Variants in PCDHGA11 observed in about 807,000 individuals in gnomAD.
The protein encoded by PCDHGA11 is protocadherin gamma-A11.
Under a neutral mutation model 60.4 loss-of-function variants are expected in PCDHGA11, and 39 were observed. That is an observed-to-expected ratio of 0.65 (90% confidence interval 0.50 to 0.84). The LOEUF (loss-of-function observed/expected upper bound fraction) is 0.84, where lower values mean the gene tolerates loss of function less well. Ranked by LOEUF, PCDHGA11 falls within the 40% of genes least tolerant of loss-of-function variation. The pLI is 0.00. For synonymous variants in PCDHGA11, 533 were observed against 510.3 expected (o/e 1.04, Z -0.60); for missense variants, 1,165 against 1,197.7 (o/e 0.97, Z 0.40).
intron 1 of PCDHGA11, chr5:141,440,160 G>A (rs568136682): frequency 6.6e-6 from 1 of 152,324 alleles, no homozygotes; most frequent in East Asian, 1.9e-4. Flanking sequence ...ATTATAGCTT[G>A]GGCCATAACG....
chr5:141,476,656 T>C lies in PCDHGA11; in HGVS notation c.2434-18151T>C. 1 of 1,614,210 alleles carries C rather than the reference T, an allele frequency of 6.2e-7. No individual in the cohort carries two copies. Among genetic ancestry groups the C allele is most frequent in the Non-Finnish European group, 8.5e-7 (1 of 1,180,044 alleles). On this transcript the variant is annotated intron_variant, in intron 1 of 3. Coordinates refer to ENST00000398587, the MANE Select transcript of PCDHGA11 (RefSeq NM_018914.3). This position sits in a 1 kb window ranked among gnomAD's most constrained non-coding sequence, Gnocchi z 7.6. ...ATGAGCTGAGCCGAAATGAATACTT[T>C]GCGCTTCGCGTGCAGACGCGGGAGG...
chr5:141,443,118 C>A (rs1474257262), intron 1 of PCDHGA11, among the ~76,000 whole-genome samples: 1 of 151,762 alleles, frequency 6.6e-6, no homozygotes, highest in Non-Finnish European at 1.5e-5. Flanking sequence ...GCTTTTCAAA[C>A]CAGATTAAGA....
Position 141,490,845 on chromosome 5 carries a change from G to T in PCDHGA11, c.2434-3962G>T, listed in dbSNP as rs748605746. The T allele has an allele frequency of 1.4e-5, 22 of 1,613,726 alleles. No individual in the cohort carries two copies. The highest frequency in any genetic ancestry group is 1.7e-5 in the Non-Finnish European group (20 of 1,179,894). On this transcript the variant is annotated intron_variant, in intron 1 of 3. Coordinates refer to ENST00000398587, the MANE Select transcript of PCDHGA11 (RefSeq NM_018914.3). This position sits in a 1 kb window ranked among gnomAD's most constrained non-coding sequence, Gnocchi z 5.4. ...TGCAGATGCTGCAGATTGTGGTGGG[G>T]GTTCGAGACTCCGGCTCTCCCCCAT...
intron 1 of PCDHGA11, among the ~76,000 whole-genome samples, chr5:141,459,804 C>G (rs2098975712): frequency 6.6e-6 from 1 of 152,192 alleles, no homozygotes; most frequent in Non-Finnish European, 1.5e-5. Context: ...TCCCTGTTGA[C>G]TAGAGACACT....
chr5:141,448,103 A>G (rs1252710550), intron 1 of PCDHGA11, among the ~76,000 whole-genome samples: 2 of 151,992 alleles, frequency 1.3e-5, no homozygotes, highest in Non-Finnish European at 2.9e-5. Context: ...AAAAAATTAA[A>G]AGAAAAGAAA....
At position 141,489,062 on chromosome 5, in the gene PCDHGA11, C is replaced by G. The variant is rs1466124551; in HGVS notation, c.2434-5745C>G. Reference sequence around the variant, plus strand: ...GCTCCACTCAAATTCAGCTCCCCTCCCCCCTGCCCACCCCCGCCACTCGGT... The same window carrying G: ...GCTCCACTCAAATTCAGCTCCCCTCGCCCCTGCCCACCCCCGCCACTCGGT... On this transcript the variant is annotated intron_variant, in intron 1 of 3. Transcript: ENST00000398587. This position sits in a 1 kb window ranked among gnomAD's most constrained non-coding sequence, Gnocchi z 4.5. 5.3e-6 allele frequency: 2 copies of G among 378,914 alleles called. No homozygotes were observed. Among genetic ancestry groups the G allele is most frequent in the Non-Finnish European group, 9.5e-6 (2 of 209,830 alleles). 23.5% of individuals were successfully genotyped at this position (378,914 alleles called of 1,614,324 possible).
Position 141,423,007 on chromosome 5 carries a change from G to A in PCDHGA11, c.1780G>A (p.Ala594Thr). 6.2e-7 allele frequency: 1 copy of A among 1,614,242 alleles called. No homozygotes were observed. The highest frequency in any genetic ancestry group is 8.5e-7 in the Non-Finnish European group (1 of 1,180,040). The change falls in exon 1 of 4, where the codon GCG becomes ACG. Residue 594 changes from alanine (A) to threonine (T), a missense_variant. Transcript: ENST00000398587. ...TGGCTACCTGGTGACCAAGGTGGTT[G>A]CGGTGGACAAAGATTCAGGCCAGAA... Reference protein sequence around the residue: ...EPGYLVTKVVAVDKDSGQNAW... With the variant: ...EPGYLVTKVVTVDKDSGQNAW...
At position 141,421,333 on chromosome 5, in the gene PCDHGA11, G is replaced by A. The variant is rs1458277535; in HGVS notation, c.106G>A (p.Val36Met). The A allele has an allele frequency of 2.5e-6, 4 of 1,613,850 alleles. No individual in the cohort carries two copies. Among genetic ancestry groups the A allele is most frequent in the Admixed American group, 1.7e-5 (1 of 60,010 alleles). The change falls in exon 1 of 4, where the codon GTG becomes ATG. Residue 36 changes from valine (V) to methionine (M), a missense_variant. By Grantham distance (21) the Val-to-Met change is conservative. Coordinates refer to ENST00000398587, the MANE Select transcript of PCDHGA11 (RefSeq NM_018914.3). ...CCGGGCCAGGCAGATCCGATATTCG[G>A]TGCCAGAAGAGACCGAAAAGGGCTC... ...GFRARQIRYS[V>M]PEETEKGSFV...
Position 141,491,265 on chromosome 5 carries a change from CA to C in PCDHGA11, c.2434-3539del. ...AGGATGAGGACCCTGAGGAAATGCC[CA>C]AATCCAGTGACTTCCTCATACACCC... On this transcript the variant is annotated intron_variant, in intron 1 of 3. Coordinates refer to ENST00000398587, the MANE Select transcript of PCDHGA11 (RefSeq NM_018914.3). This position sits in a 1 kb window ranked among gnomAD's most constrained non-coding sequence, Gnocchi z 6.9. 1 of 1,614,074 alleles carries C rather than the reference CA, an allele frequency of 6.2e-7. No individual in the cohort carries two copies.
intron 1 of PCDHGA11, among the ~76,000 whole-genome samples, chr5:141,457,984 A>G (rs1210742359): frequency 2.0e-5 from 3 of 152,226 alleles, no homozygotes; most frequent in Non-Finnish European, 1.5e-5. Context: ...ACACCCTTTC[A>G]GTTAAAGCCT....
intron 1 of PCDHGA11, among the ~76,000 whole-genome samples, chr5:141,481,836 G>A (rs1435746995): frequency 2.7e-5 from 4 of 150,638 alleles, no homozygotes; most frequent in Non-Finnish European, 5.9e-5. Context: ...CAGGAGAATC[G>A]CTTGATGGTG....
Position 141,421,379 on chromosome 5 carries a change from A to G in PCDHGA11, c.152A>G (p.Lys51Arg). The change falls in exon 1 of 4, where the codon AAG becomes AGG. Residue 51 changes from lysine (K) to arginine (R), a missense_variant. Transcript: ENST00000398587. ...EKGSFVGNIS[K>R]DLGLEPRELA... ...GGCTCCTTCGTGGGCAATATCTCCAAGGACCTGGGGCTGGAGCCCCGGGAG... is the reference window on the plus strand; with the variant it reads ...GGCTCCTTCGTGGGCAATATCTCCAGGGACCTGGGGCTGGAGCCCCGGGAG... The G allele has an allele frequency of 6.2e-7, 1 of 1,614,054 alleles. No individual in the cohort carries two copies. The highest frequency in any genetic ancestry group is 8.5e-7 in the Non-Finnish European group (1 of 1,179,908).
In PCDHGA11 at chr5:141,511,032, G is replaced by C. The variant is rs779589499; in HGVS notation, c.2667G>C (p.Gln889His). Residue 889 changes from glutamine to histidine, a missense_variant, in exon 4 of 4, where the codon CAG (glutamine) becomes CAC (histidine). Gln to His is a conservative substitution (Grantham distance 24). Coordinates refer to ENST00000398587, the MANE Select transcript of PCDHGA11 (RefSeq NM_018914.3). ...SARYGPQFTL[Q>H]HVPDYRQNVY... ...GCTACGGACCCCAGTTCACCCTGCA[G>C]CACGTGCCCGACTACCGCCAGAATG... 6.2e-7 allele frequency: 1 copy of C among 1,614,228 alleles called. No individual in the cohort carries two copies. The highest frequency in any genetic ancestry group is 8.5e-7 in the Non-Finnish European group (1 of 1,180,036).
intron 1 of PCDHGA11, among the ~76,000 whole-genome samples, chr5:141,460,135 T>G (rs2098983196): frequency 6.6e-6 from 1 of 152,044 alleles, no homozygotes; most frequent in South Asian, 2.1e-4. Flanking sequence ...ATATATATAT[T>G]CTTGATGTGA....
At chr5:141,442,403 G>A (rs1042068651) in intron 1 of PCDHGA11, 2 of 152,168 alleles carry the variant, frequency 1.3e-5, no homozygotes, top group African/African-American at 4.8e-5. Context: ...TACGAATCCA[G>A]GGCTGAGTGA....
rs1303712746 is a variant in PCDHGA11 at position 141,512,800 on chromosome 5, C to G, written c.*1627C>G. The G allele has an allele frequency of 1.3e-5, 2 of 152,238 alleles. No homozygotes were observed. Among genetic ancestry groups the G allele is most frequent in the African/African-American group, 4.8e-5 (2 of 41,434 alleles). The allele number at this position is 152,238 out of a possible 1,614,324, so 9.4% of individuals were successfully genotyped here. A position where few individuals can be genotyped will look rare whatever the true frequency, so the allele number is the denominator to read the frequency against. On this transcript the variant is annotated 3_prime_UTR_variant, in exon 4 of 4. Coordinates refer to ENST00000398587, the MANE Select transcript of PCDHGA11 (RefSeq NM_018914.3). Reference sequence around the variant, plus strand: ...GCCCGTGTTGTGTTTTGTGCTGTGTCCACGCGCTAAGGCGACCCCCTCCCC... The same window carrying G: ...GCCCGTGTTGTGTTTTGTGCTGTGTGCACGCGCTAAGGCGACCCCCTCCCC...
At chr5:141,445,751 G>A (rs1211416281) in intron 1 of PCDHGA11, among the ~76,000 whole-genome samples, 1 of 152,102 alleles carries the variant, frequency 6.6e-6, no homozygotes, top group East Asian at 1.9e-4. Context: ...AAAAATAAAA[G>A]GTGTGACTCA....
chr5:141,427,458 A>T (rs2097029342), intron 1 of PCDHGA11: 1 of 494,398 alleles, frequency 2.0e-6, no homozygotes, highest in African/African-American at 1.9e-5. Context: ...TCCTTTTAGA[A>T]TCGAATCTTC....
chr5:141,446,558 T>G (rs1413501675), intron 1 of PCDHGA11, among the ~76,000 whole-genome samples: 3 of 151,788 alleles, frequency 2.0e-5, no homozygotes, highest in Non-Finnish European at 1.5e-5. Flanking sequence ...CTCACTGCAA[T>G]CTCTGCCTCC....
Sources: gnomAD v4.1 joint callset for allele counts (sites outside exome capture counted in the v4.1 genomes callset) on GRCh38, gnomAD v4.1.1 for gene constraint, Gnocchi (gnomAD v3.1) non-coding constraint, MANE v1.5 for transcripts, NCBI Gene and HGNC (gene_info 2026-07-23, HGNC 2026-07-21) for gene names.